The following IMMP2L variants were observed in gnomAD, a reference collection of about 807,000 sequenced individuals.
The protein encoded by IMMP2L is inner mitochondrial membrane peptidase subunit 2, also known as mitochondrial inner membrane protease subunit 2.
A neutral mutation model predicts 19.3 loss-of-function variants in IMMP2L; 18 were observed. The ratio of observed to expected loss-of-function variants is 0.93; its 90% CI spans 0.64 to 1.38. The LOEUF (loss-of-function observed/expected upper bound fraction) is 1.38. IMMP2L is among the 40% of genes most tolerant of loss of function. IMMP2L has a pLI of 0.00. For synonymous variants in IMMP2L, 76 were observed against 73.0 expected (o/e 1.04, Z -0.21); for missense variants, 233 against 218.2 (o/e 1.07, Z -0.43).
intron 3 of IMMP2L, among the ~76,000 whole-genome samples, chr7:110,984,541 G>C (rs941612785): frequency 2.6e-5 from 4 of 152,020 alleles, no homozygotes; most frequent in African/African-American, 9.7e-5. Flanking sequence ...GACTAAATTT[G>C]AAAAACATAG....
Position 111,034,824 on chromosome 7 carries a change from C to T in IMMP2L, c.240-71259G>A, listed in dbSNP as rs538549288. On this transcript the variant is annotated intron_variant, in intron 3 of 5. Coordinates refer to ENST00000405709, the MANE Select transcript of IMMP2L (RefSeq NM_032549.4). ...AAGGGTAGCCTAGAGCTAAAACAGGCTAATGACCATAACAGCACCAGAAAC... is the reference window on the plus strand; with the variant it reads ...AAGGGTAGCCTAGAGCTAAAACAGGTTAATGACCATAACAGCACCAGAAAC... Among the ~76,000 whole-genome samples the T allele has an allele frequency of 7.9e-5, 12 of 152,232 alleles. No individual in the cohort carries two copies. In the South Asian group the frequency reaches 2.3e-3, roughly 29 times the overall value.
intron 3 of IMMP2L, among the ~76,000 whole-genome samples, chr7:111,250,901 A>C (rs1816030648): frequency 1.3e-5 from 2 of 152,190 alleles, no homozygotes; most frequent in South Asian, 2.1e-4. Flanking sequence ...ATAAATTGAC[A>C]AATGGGATCT....
At chr7:110,819,407 G>T (rs1409810090) in intron 5 of IMMP2L, among the ~76,000 whole-genome samples, 1 of 151,966 alleles carries the variant, frequency 6.6e-6, no homozygotes, top group South Asian at 2.1e-4. Context: ...ATATATTTTG[G>T]CTGAAGTGCA....
At chr7:111,083,210 A>T (rs1796029244) in intron 3 of IMMP2L, among the ~76,000 whole-genome samples, 1 of 152,206 alleles carries the variant, frequency 6.6e-6, no homozygotes. Context: ...ATTGTCATTC[A>T]TCTTAAATAT....
At position 110,663,675 on chromosome 7, in the gene IMMP2L, G is replaced by C. The variant is rs745331664; in HGVS notation, c.455C>G (p.Pro152Arg). Residue 152 changes from proline (P) to arginine (R), a missense_variant, in exon 6 of 6, where the codon CCC becomes CGC. By Grantham distance (103) the Pro-to-Arg change is moderately radical. Coordinates refer to ENST00000405709, the MANE Select transcript of IMMP2L (RefSeq NM_032549.4). ...LHAHATHILW[P>R]PERWQKLESV... ...TTCCAATTTCTGCCAGCGCTCTGGG[G>C]GCCACAGGATATGTGTGGCATGGGC... 6.2e-7 allele frequency: 1 copy of C among 1,608,076 alleles called. No homozygotes were observed. The highest frequency in any genetic ancestry group is 8.5e-7 in the Non-Finnish European group (1 of 1,175,732).
At chr7:110,886,555 A>T in intron 5 of IMMP2L, 38 bp downstream of exon 5, 1 of 1,160,888 alleles carries the variant, frequency 8.6e-7, no homozygotes, top group Non-Finnish European at 1.3e-6. Context: ...CACCTTTGAA[A>T]TCCAATTACA....
At chr7:111,316,993 G>T (rs1438779953) in intron 3 of IMMP2L, among the ~76,000 whole-genome samples, 2 of 151,670 alleles carry the variant, frequency 1.3e-5, no homozygotes, top group Admixed American at 6.6e-5. Flanking sequence ...GGGATTACAG[G>T]CACGTGCAAC....
chr7:111,040,719 AATATT>A (rs1417911182), intron 3 of IMMP2L, among the ~76,000 whole-genome samples: 1 of 147,012 alleles, frequency 6.8e-6, no homozygotes, highest in Non-Finnish European at 1.5e-5. Context: ...TCTAATATTT[AATATT>A]ATATAATTAT....
intron 3 of IMMP2L, among the ~76,000 whole-genome samples, chr7:111,243,158 G>A (rs1291664457): frequency 1.3e-5 from 2 of 152,100 alleles, no homozygotes; most frequent in South Asian, 2.1e-4. Flanking sequence ...TTAAATGTAT[G>A]GCATGACGTT....
chr7:110,857,673 T>A (rs531792771), intron 5 of IMMP2L, among the ~76,000 whole-genome samples: 6 of 152,168 alleles, frequency 3.9e-5, no homozygotes, highest in South Asian at 4.1e-4. Context: ...CAAATACCAC[T>A]TTAAGGGATT....
At chr7:110,699,058 T>C (rs1794078433) in intron 5 of IMMP2L, among the ~76,000 whole-genome samples, 1 of 152,204 alleles carries the variant, frequency 6.6e-6, no homozygotes, top group South Asian at 2.1e-4. Flanking sequence ...CCTTTATTCT[T>C]AGTGGCCTTA....
At chr7:111,052,617 A>C (rs1048904041) in intron 3 of IMMP2L, among the ~76,000 whole-genome samples, 23 of 152,142 alleles carry the variant, frequency 1.5e-4, no homozygotes, top group Admixed American at 8.5e-4. Flanking sequence ...AAAACGTATA[A>C]AGCCAAGCTG....
At chr7:110,886,773 T>G (rs1810267160) in intron 4 of IMMP2L, 78 bp from the exon 5 acceptor site, 1 of 695,618 alleles carries the variant, frequency 1.4e-6, no homozygotes, top group Non-Finnish European at 2.6e-6. Flanking sequence ...TTAGGAATGG[T>G]GAAAATATTA....
chr7:111,306,728 G>A (rs1188424938), intron 3 of IMMP2L, among the ~76,000 whole-genome samples: 1 of 151,376 alleles, frequency 6.6e-6, no homozygotes, highest in Non-Finnish European at 1.5e-5. Flanking sequence ...AAGTAATGCA[G>A]TGTAAGCAAT....
intron 3 of IMMP2L, among the ~76,000 whole-genome samples, chr7:111,293,068 T>C (rs1300746131): frequency 6.6e-6 from 1 of 151,946 alleles, no homozygotes; most frequent in Non-Finnish European, 1.5e-5. Context: ...GGACATGAGA[T>C]ATAAGCAATG....
At chr7:111,449,221 C>T (rs1838870388) in intron 3 of IMMP2L, among the ~76,000 whole-genome samples, 1 of 144,768 alleles carries the variant, frequency 6.9e-6, no homozygotes. Context: ...AGGCCAGCAT[C>T]ATTCTGATAC....
intron 5 of IMMP2L, among the ~76,000 whole-genome samples, chr7:110,791,911 A>G (rs1205044587): frequency 2.0e-5 from 3 of 151,828 alleles, no homozygotes; most frequent in Non-Finnish European, 4.4e-5. Context: ...AGGTGGAGAG[A>G]AGCAGGGGCA....
At chr7:111,327,293 T>G (rs984322329) in intron 3 of IMMP2L, among the ~76,000 whole-genome samples, 12 of 151,804 alleles carry the variant, frequency 7.9e-5, no homozygotes, top group Non-Finnish European at 1.5e-4. Flanking sequence ...AGCAAGATAA[T>G]AATTCTTAAA....
At chr7:111,276,818 C>G (rs1286649745) in intron 3 of IMMP2L, among the ~76,000 whole-genome samples, 1 of 152,018 alleles carries the variant, frequency 6.6e-6, no homozygotes, top group Non-Finnish European at 1.5e-5. Context: ...AGCCACATAC[C>G]TACAACCAGC....
Sources: allele counts gnomAD v4.1 joint callset (sites outside exome capture counted in the v4.1 genomes callset), GRCh38; gene constraint gnomAD v4.1.1; transcripts MANE v1.5; gene names NCBI Gene and HGNC (gene_info 2026-07-23, HGNC 2026-07-21).